CD302: variants seen among roughly 807,000 people sequenced by gnomAD.
CD302 encodes the protein CD302 antigen.
Under a neutral mutation model 26.5 loss-of-function variants are expected in CD302, and 23 were observed. The ratio of observed to expected loss-of-function variants is 0.87; its 90% confidence interval spans 0.62 to 1.23. CD302 has a LOEUF of 1.23. CD302 is among the 50% of genes most tolerant of loss of function. The probability of loss-of-function intolerance (pLI) is 0.00; values close to 1 mark genes in which losing one functional copy is unlikely to be tolerated. For missense variants in CD302, 290 were observed against 275.5 expected, an observed-to-expected ratio of 1.05 and a Z score of -0.37; for synonymous variants, 90 against 99.4, an observed-to-expected ratio of 0.91 and a Z score of 0.56.
At chr2:159,796,442 C>G (rs1708956666) in intron 1 of CD302, among the ~76,000 whole-genome samples, 1 of 152,072 alleles carries the variant, frequency 6.6e-6, no homozygotes, top group Non-Finnish European at 1.5e-5. Flanking sequence ...GGAAGGAAAC[C>G]AAGATGAACC....
At chr2:159,789,617 A>G (rs1418866210) in intron 1 of CD302, among the ~76,000 whole-genome samples, 1 of 151,992 alleles carries the variant, frequency 6.6e-6, no homozygotes, top group African/African-American at 2.4e-5. Flanking sequence ...TGTGTATGAA[A>G]AATTGTAGTA....
rs71406197 is a variant in CD302, at chr2:159,776,012, C to CTTTTTTTTT, written c.496+1917_496+1925dup. Among the ~76,000 whole-genome samples, 14 of 81,260 alleles carry CTTTTTTTTT rather than the reference C, an allele frequency of 1.7e-4. 2 individuals are homozygous for CTTTTTTTTT. Among genetic ancestry groups the CTTTTTTTTT allele is most frequent in the East Asian group, 3.6e-4 (1 of 2,794 alleles). The allele number at this position is 81,260 out of a possible 152,430, so 53.3% of individuals were successfully genotyped here. A position where few individuals can be genotyped will look rare whatever the true frequency, so the allele number is the denominator to read the frequency against. Reference sequence around the variant, plus strand: ...TGCAGCCTCTGCCTCCGGGTTTCAACTTTTTTTTTTTTTTTTTTAAAGTAG... The same window carrying CTTTTTTTTT: ...TGCAGCCTCTGCCTCCGGGTTTCAACTTTTTTTTTTTTTTTTTTTTTTTTTTTAAAGTAG... On this transcript the variant is annotated intron_variant, in intron 5 of 5. Transcript: ENST00000259053.
At position 159,770,526 on chromosome 2, in the gene CD302, C is replaced by T. The variant is rs969488203; in HGVS notation, c.*1325G>A. 15 of 152,052 alleles carry T rather than the reference C, an allele frequency of 9.9e-5. No individual in the cohort carries two copies. The highest frequency in any genetic ancestry group is 1.6e-4 in the Non-Finnish European group (11 of 67,992). The allele number at this position is 152,052 out of a possible 1,614,324, so 9.4% of individuals were successfully genotyped here. A position where few individuals can be genotyped will look rare whatever the true frequency, so the allele number is the denominator to read the frequency against. ...GAGATAGTATATCTATCTATCTCCC[C>T]AGAAGAAAGTAAGATAATTGATGGG... On this transcript the variant is annotated 3_prime_UTR_variant, in exon 6 of 6. Transcript: ENST00000259053.
intron 5 of CD302, among the ~76,000 whole-genome samples, chr2:159,776,349 T>C (rs187230688): frequency 6.6e-6 from 1 of 152,300 alleles, no homozygotes; most frequent in African/African-American, 2.4e-5. Flanking sequence ...TGAACATAGA[T>C]ACACAAATAT....
chr2:159,785,615 C>T (rs1034762184), intron 1 of CD302, among the ~76,000 whole-genome samples: 3 of 152,188 alleles, frequency 2.0e-5, no homozygotes, highest in Non-Finnish European at 2.9e-5. Context: ...CAGGTAGATC[C>T]TTTCCCTGAG....
intron 1 of CD302, among the ~76,000 whole-genome samples, chr2:159,792,821 C>G (rs1708844380): frequency 6.7e-6 from 1 of 149,780 alleles, no homozygotes; most frequent in African/African-American, 2.5e-5. Context: ...CAACTGCCTT[C>G]TCCTTAGGCT....
Position 159,771,214 on chromosome 2 carries a change from C to G in CD302, c.*637G>C, listed in dbSNP as rs940295375. ...AATATGTAAGTGTTAACCTAATTGC[C>G]AGCTTTCTCTATGCCATCCTGGACA... is the stretch of plus-strand genomic sequence containing the variant. On this transcript the variant is annotated 3_prime_UTR_variant, in exon 6 of 6. Coordinates refer to ENST00000259053, the MANE Select transcript of CD302 (RefSeq NM_014880.5). The G allele has an allele frequency of 6.6e-6, 1 of 152,254 alleles. No individual in the cohort carries two copies. Among genetic ancestry groups the G allele is most frequent in the Non-Finnish European group, 1.5e-5 (1 of 68,134 alleles). 9.4% of individuals were successfully genotyped at this position (152,254 alleles called of 1,614,324 possible).
chr2:159,772,116 T>G, intron 5 of CD302, 63 bp from the exon 6 acceptor site: 3 of 1,540,972 alleles, frequency 1.9e-6, no homozygotes, highest in Non-Finnish European at 2.7e-6. Context: ...AAGTATATTT[T>G]GATGAGCACA....
intron 1 of CD302, among the ~76,000 whole-genome samples, chr2:159,793,252 C>T (rs563040049): frequency 6.6e-6 from 1 of 152,188 alleles, no homozygotes; most frequent in South Asian, 2.1e-4. Context: ...TCAGGAGCCT[C>T]ATGAATATTT....
chr2:159,775,173 AG>A (rs1282635896), intron 5 of CD302, among the ~76,000 whole-genome samples: 1 of 152,224 alleles, frequency 6.6e-6, no homozygotes, highest in Non-Finnish European at 1.5e-5. Context: ...TGTATGCTTG[AG>A]AGCAGAGGCT....
chr2:159,792,607 A>G (rs1052222439), intron 1 of CD302, among the ~76,000 whole-genome samples: 6 of 152,192 alleles, frequency 3.9e-5, no homozygotes, highest in Non-Finnish European at 7.3e-5. Context: ...CCATTGCTGA[A>G]TAACTAAGTT....
intron 5 of CD302, among the ~76,000 whole-genome samples, chr2:159,776,943 A>AAAAT (rs1708351414): frequency 6.6e-6 from 1 of 152,152 alleles, no homozygotes; most frequent in African/African-American, 2.4e-5. Context: ...ATTCCTACCA[A>AAAAT]AAATATAGGC....
chr2:159,781,017 GAAA>G lies in CD302; in HGVS notation c.179-22_179-20del. Reference sequence around the variant, plus strand: ...TCCGCTCCTGAAATTATTTTAAAGAGAAAAAAAGTCAGCATATTCCAGAATCAG... The same window carrying G: ...TCCGCTCCTGAAATTATTTTAAAGAGAAAAGTCAGCATATTCCAGAATCAG... On this transcript the variant is annotated intron_variant, in intron 2 of 5. Transcript: ENST00000259053. 6.3e-7 allele frequency: 1 copy of G among 1,580,870 alleles called. No homozygotes were observed. Among genetic ancestry groups the G allele is most frequent in the Non-Finnish European group, 8.6e-7 (1 of 1,168,000 alleles).
intron 5 of CD302, among the ~76,000 whole-genome samples, chr2:159,773,772 G>A (rs989594080): frequency 2.0e-5 from 3 of 152,048 alleles, no homozygotes; most frequent in Non-Finnish European, 4.4e-5. Flanking sequence ...TTTTACATTA[G>A]GAAATGTATT....
intron 5 of CD302, among the ~76,000 whole-genome samples, chr2:159,774,497 G>T (rs1251486709): frequency 1.3e-5 from 2 of 152,126 alleles, no homozygotes; most frequent in African/African-American, 4.8e-5. Context: ...TTAGGCTGTA[G>T]CCTCAGGTGA....
chr2:159,776,577 A>ATAGAT lies in CD302; in HGVS notation c.496+1356_496+1360dup, dbSNP rs1398132791. 2.0e-5 allele frequency among the ~76,000 whole-genome samples: 3 copies of ATAGAT among 152,086 alleles called. No homozygotes were observed. In the East Asian group the frequency reaches 5.8e-4, roughly 29 times the overall value. ...GCTTGTTATTTATTGTCTTCTTCCT[A>ATAGAT]TAGATTAATGAGGATGTAATTCCTG... On this transcript the variant is annotated intron_variant, in intron 5 of 5. Transcript: ENST00000259053.
intron 1 of CD302, among the ~76,000 whole-genome samples, chr2:159,796,616 A>G (rs899356719): frequency 6.6e-6 from 1 of 152,198 alleles, no homozygotes; most frequent in Non-Finnish European, 1.5e-5. Context: ...CCTGACTGGG[A>G]GGAGCTGATT....
chr2:159,790,793 T>A (rs1408592592), intron 1 of CD302, among the ~76,000 whole-genome samples: 1 of 152,232 alleles, frequency 6.6e-6, no homozygotes, highest in African/African-American at 2.4e-5. Context: ...TTTTGTATTA[T>A]TTCTAGTCAA....
At chr2:159,790,983 A>C (rs989785322) in intron 1 of CD302, among the ~76,000 whole-genome samples, 2 of 152,244 alleles carry the variant, frequency 1.3e-5, no homozygotes, top group African/African-American at 4.8e-5. Context: ...CATGCTGTGA[A>C]AACATGTAGT....
Sources: allele counts gnomAD v4.1 joint callset (sites outside exome capture counted in the v4.1 genomes callset), GRCh38; gene constraint gnomAD v4.1.1; transcripts MANE v1.5; gene names NCBI Gene and HGNC (gene_info 2026-07-23, HGNC 2026-07-21).